GPR158: variants seen among roughly 807,000 people sequenced by gnomAD.
GPR158 encodes metabotropic glycine receptor.
A neutral mutation model predicts 78.2 loss-of-function variants in GPR158; 30 were observed. The observed-to-expected ratio is 0.38, with a 90% confidence interval of 0.29 to 0.52. GPR158 has a LOEUF of 0.52. GPR158 is among the 20% of genes least tolerant of loss of function. The probability of loss-of-function intolerance (pLI) is 0.83; values close to 1 mark genes in which losing one functional copy is unlikely to be tolerated. For synonymous variants in GPR158, 581 were observed against 591.1 expected (o/e 0.98, Z 0.25); for missense variants, 1,463 against 1,523.5 (o/e 0.96, Z 0.66).
chr10:25,207,453 G>T (rs1853058338), intron 1 of GPR158, among the ~76,000 whole-genome samples: 1 of 152,190 alleles, frequency 6.6e-6, no homozygotes, highest in Non-Finnish European at 1.5e-5. Flanking sequence ...CGATGGTGGG[G>T]AAGGGGGATG....
At chr10:25,497,939 C>T (rs1405566675) in intron 5 of GPR158, among the ~76,000 whole-genome samples, 1 of 152,020 alleles carries the variant, frequency 6.6e-6, no homozygotes, top group Non-Finnish European at 1.5e-5. Flanking sequence ...TTTAACGTTG[C>T]TGGGTTTTAA....
intron 2 of GPR158, among the ~76,000 whole-genome samples, chr10:25,281,135 C>CA (rs35128473): frequency 0.22 from 24,655 of 111,928 alleles, 2,517 homozygotes; most frequent in Non-Finnish European, 0.27. Flanking sequence ...AACTCTATCT[C>CA]AAAAAAAAAA....
At chr10:25,577,772 A>G (rs2130736932) in intron 7 of GPR158, among the ~76,000 whole-genome samples, 1 of 152,352 alleles carries the variant, frequency 6.6e-6, no homozygotes, top group East Asian at 1.9e-4. Context: ...ATTTTAAAAC[A>G]TAGAAGGGGG....
At chr10:25,370,228 C>T (rs1476263820) in intron 2 of GPR158, among the ~76,000 whole-genome samples, 1 of 143,260 alleles carries the variant, frequency 7.0e-6, no homozygotes, top group African/African-American at 2.6e-5. Flanking sequence ...TGTGTTTGCT[C>T]TTGCTTTTCT....
chr10:25,338,113 T>C (rs1257866487), intron 2 of GPR158, among the ~76,000 whole-genome samples: 3 of 151,688 alleles, frequency 2.0e-5, no homozygotes, highest in African/African-American at 7.3e-5. Flanking sequence ...AAAAAAAGGT[T>C]TTGGTTTAGT....
At chr10:25,361,499 G>C (rs1855640146) in intron 2 of GPR158, among the ~76,000 whole-genome samples, 4 of 151,818 alleles carry the variant, frequency 2.6e-5, no homozygotes, top group Non-Finnish European at 1.5e-5. Flanking sequence ...TTGAGTTTTT[G>C]AGGAACCTTC....
chr10:25,398,955 C>T (rs193095141), intron 3 of GPR158, among the ~76,000 whole-genome samples: 110 of 152,216 alleles, frequency 7.2e-4, no homozygotes, highest in African/African-American at 2.6e-3. Flanking sequence ...GGAACCAGGC[C>T]GCACAGCAGA....
chr10:25,228,892 G>A (rs367573529), intron 2 of GPR158, among the ~76,000 whole-genome samples: 1 of 151,928 alleles, frequency 6.6e-6, no homozygotes, highest in East Asian at 1.9e-4. Flanking sequence ...AAAATTATTC[G>A]GTTGTGGTGG....
intron 4 of GPR158, among the ~76,000 whole-genome samples, chr10:25,420,818 G>A (rs573158449): frequency 6.6e-6 from 1 of 152,154 alleles, no homozygotes; most frequent in African/African-American, 2.4e-5. Context: ...TATTCCGTTG[G>A]TCTGTGTGCC....
chr10:25,516,086 A>G (rs1394547672), intron 5 of GPR158, among the ~76,000 whole-genome samples: 1 of 151,782 alleles, frequency 6.6e-6, no homozygotes. Flanking sequence ...ATGATATCTC[A>G]TAGTGGTTTT....
chr10:25,276,132 T>A (rs1052959537), intron 2 of GPR158, among the ~76,000 whole-genome samples: 8 of 152,210 alleles, frequency 5.3e-5, no homozygotes, highest in Non-Finnish European at 1.0e-4. Flanking sequence ...TCCCTGCGGC[T>A]TGAGGTTGAA....
chr10:25,218,573 C>T (rs1228565324), intron 1 of GPR158, among the ~76,000 whole-genome samples: 2 of 152,086 alleles, frequency 1.3e-5, no homozygotes, highest in Non-Finnish European at 2.9e-5. Flanking sequence ...CATTGTGGAA[C>T]GAGTAGAAAT....
intron 4 of GPR158, among the ~76,000 whole-genome samples, chr10:25,461,275 A>G (rs545344881): frequency 6.6e-6 from 1 of 152,346 alleles, no homozygotes; most frequent in African/African-American, 2.4e-5. Context: ...TGCACTAACT[A>G]GCCGATTTGT....
intron 7 of GPR158, among the ~76,000 whole-genome samples, chr10:25,588,117 CATTT>C (rs1195815899): frequency 6.6e-6 from 1 of 152,202 alleles, no homozygotes; most frequent in Non-Finnish European, 1.5e-5. Context: ...TAATAAAAAC[CATTT>C]ATTTAACAAT....
chr10:25,186,371 T>G (rs1852685263), intron 1 of GPR158, among the ~76,000 whole-genome samples: 1 of 151,690 alleles, frequency 6.6e-6, no homozygotes, highest in Non-Finnish European at 1.5e-5. Context: ...ATAACTAAGA[T>G]CAGAGCAGAA....
intron 2 of GPR158, among the ~76,000 whole-genome samples, chr10:25,239,902 A>G (rs1280696499): frequency 6.6e-6 from 1 of 152,134 alleles, no homozygotes; most frequent in African/African-American, 2.4e-5. Context: ...ATCATCATCT[A>G]TTGAATACCA....
At chr10:25,329,318 T>C (rs2130489870) in intron 2 of GPR158, among the ~76,000 whole-genome samples, 1 of 151,752 alleles carries the variant, frequency 6.6e-6, no homozygotes, top group Non-Finnish European at 1.5e-5. Context: ...CGGGCACCTG[T>C]AGTCCCAGCT....
chr10:25,544,707 TATATA>T (rs1416163044), intron 5 of GPR158, among the ~76,000 whole-genome samples: 1 of 152,224 alleles, frequency 6.6e-6, no homozygotes, highest in Non-Finnish European at 1.5e-5. Flanking sequence ...TATATGTTTA[TATATA>T]ATATTTTTTG....
At chr10:25,392,009 G>A (rs868602176) in intron 2 of GPR158, among the ~76,000 whole-genome samples, 5 of 152,018 alleles carry the variant, frequency 3.3e-5, no homozygotes, top group East Asian at 3.9e-4. Flanking sequence ...TCCTGCACAC[G>A]TTCTCCTGCT....
Sources: allele counts gnomAD v4.1 joint callset (sites outside exome capture counted in the v4.1 genomes callset), GRCh38; gene constraint gnomAD v4.1.1; transcripts MANE v1.5; gene names NCBI Gene and HGNC (gene_info 2026-07-23, HGNC 2026-07-21).